NTSR1: variants seen among roughly 807,000 people sequenced by gnomAD.
The protein encoded by NTSR1 is neurotensin receptor 1.
Under a neutral mutation model 31.2 loss-of-function variants are expected in NTSR1, and 29 were observed. That is an observed-to-expected ratio of 0.93 (90% CI 0.69 to 1.27). NTSR1 has a LOEUF of 1.27. NTSR1 is among the 50% of genes most tolerant of loss of function. The pLI, the probability that NTSR1 is intolerant of heterozygous loss-of-function variation, is 0.00. For missense variants in NTSR1, 697 were observed against 595.4 expected, an observed-to-expected ratio of 1.17 and a Z score of -1.78; for synonymous variants, 282 against 269.9, an observed-to-expected ratio of 1.04 and a Z score of -0.44.
chr20:62,717,752 A>G (rs1251580982), intron 1 of NTSR1, among the ~76,000 whole-genome samples: 3 of 152,132 alleles, frequency 2.0e-5, no homozygotes, highest in African/African-American at 4.8e-5. Flanking sequence ...TCATTCACTC[A>G]TCATTCATTC....
Position 62,743,490 on chromosome 20 carries a change from G to A in NTSR1, c.715-11195G>A, listed in dbSNP as rs960193793. ...TTAGAAAAGACCGTCCGTGAGCCTG[G>A]GCCCTGCTGGGGCTGGTCATCTGCT... is the stretch of plus-strand genomic sequence containing the variant. On this transcript the variant is annotated intron_variant, in intron 1 of 3. Coordinates refer to ENST00000370501, the MANE Select transcript of NTSR1 (RefSeq NM_002531.3). The surrounding 1 kb of genome is among the most constrained non-coding windows in gnomAD (Gnocchi z 7.5). 6.6e-6 allele frequency among the ~76,000 whole-genome samples: 1 copy of A among 152,066 alleles called. No individual in the cohort carries two copies. The highest frequency in any genetic ancestry group is 1.9e-4 in the East Asian group (1 of 5,166).
In NTSR1 at chr20:62,709,921, G is replaced by T; in HGVS notation, c.714G>T (p.Gln238His). 1 of 1,581,834 alleles carries T rather than the reference G, an allele frequency of 6.3e-7. No individual in the cohort carries two copies. Among genetic ancestry groups the T allele is most frequent in the Non-Finnish European group, 8.6e-7 (1 of 1,160,624 alleles). Reference protein sequence around the residue: ...IHTATVKVVIQVNTFMSFIFP... With the variant: ...IHTATVKVVIHVNTFMSFIFP... ...CTGCCACCGTCAAGGTCGTCATACA[G>T]GTGAGCCTCAGTAACCAGCCCCGGG... The change falls in exon 1 of 4, where the codon CAG (glutamine) becomes CAT (histidine). Residue 238 changes from glutamine (Q) to histidine (H), a missense_variant and splice_region_variant. Transcript: ENST00000370501.
intron 1 of NTSR1, among the ~76,000 whole-genome samples, chr20:62,746,153 A>T (rs1346958044): frequency 6.6e-6 from 1 of 152,078 alleles, no homozygotes; most frequent in East Asian, 1.9e-4. Context: ...GCGGGTCACC[A>T]CCAGGCCCCC....
chr20:62,741,960 G>A lies in NTSR1; in HGVS notation c.715-12725G>A, dbSNP rs1600729931. 3.3e-5 allele frequency among the ~76,000 whole-genome samples: 5 copies of A among 149,584 alleles called. 1 individual carries two copies. Among genetic ancestry groups the A allele is most frequent in the African/African-American group, 1.2e-4 (5 of 40,112 alleles). On this transcript the variant is annotated intron_variant, in intron 1 of 3. Transcript: ENST00000370501. The surrounding 1 kb of genome is among the most constrained non-coding windows in gnomAD (Gnocchi z 4.3). ...CAAAAGGAGCCTGACAGGAGCCTCT[G>A]CCTCACAGATGAGACCTGTGTGCCT...
intron 3 of NTSR1, among the ~76,000 whole-genome samples, chr20:62,759,179 T>C (rs1316348920): frequency 6.6e-6 from 1 of 152,040 alleles, no homozygotes; most frequent in Non-Finnish European, 1.5e-5. Flanking sequence ...CTACGACCAA[T>C]GAGGAGGAGA....
At chr20:62,725,096 C>G (rs1203839960) in intron 1 of NTSR1, among the ~76,000 whole-genome samples, 1 of 152,254 alleles carries the variant, frequency 6.6e-6, no homozygotes, top group Non-Finnish European at 1.5e-5. Flanking sequence ...CACCAGGCCT[C>G]CTCTCCCGGC....
Position 62,743,701 on chromosome 20 carries a change from G to A in NTSR1, c.715-10984G>A, listed in dbSNP as rs561552429. 1.4e-4 allele frequency among the ~76,000 whole-genome samples: 21 copies of A among 152,344 alleles called. 1 individual carries two copies. The highest frequency in any genetic ancestry group is 4.6e-4 in the African/African-American group (19 of 41,578). On this transcript the variant is annotated intron_variant, in intron 1 of 3. Transcript: ENST00000370501. The surrounding 1 kb of genome is among the most constrained non-coding windows in gnomAD (Gnocchi z 7.5). Reference sequence around the variant, plus strand: ...CCACTCAGCACAGGCTGGCTGCGGAGCCGGGAAGCAGTGTGCCAGTCTGGG... The same window carrying A: ...CCACTCAGCACAGGCTGGCTGCGGAACCGGGAAGCAGTGTGCCAGTCTGGG...
In NTSR1 at chr20:62,711,570, A is replaced by ATCCCCCCACTCAGACCCCCGT. The variant is rs1988615022; in HGVS notation, c.714+1656_714+1657insACTCAGACCCCCGTTCCCCCC. Among the ~76,000 whole-genome samples, 1 of 68,596 alleles carries ATCCCCCCACTCAGACCCCCGT rather than the reference A, an allele frequency of 1.5e-5. No individual in the cohort carries two copies. Among genetic ancestry groups the ATCCCCCCACTCAGACCCCCGT allele is most frequent in the African/African-American group, 6.2e-5 (1 of 16,080 alleles). The allele number at this position is 68,596 out of a possible 152,430, so 45.0% of individuals were successfully genotyped here. ...CCGGATCCCCCCACTCAGACCCCCG[A>ATCCCCCCACTCAGACCCCCGT]TCCCCCCGCTCAGATCCCCGATCCC... On this transcript the variant is annotated intron_variant, in intron 1 of 3. Coordinates refer to ENST00000370501, the MANE Select transcript of NTSR1 (RefSeq NM_002531.3). The surrounding 1 kb of genome is among the most constrained non-coding windows in gnomAD (Gnocchi z 6.4).
In NTSR1 at chr20:62,733,641, T is replaced by TAAAG. The variant is rs11474025; in HGVS notation, c.715-21043_715-21042insAAGA. Among the ~76,000 whole-genome samples the TAAAG allele has an allele frequency of 0.43, 63,557 of 147,658 alleles. 14,494 individuals carry two copies. Among genetic ancestry groups the TAAAG allele is most frequent in the African/African-American group, 0.59 (23,708 of 40,382 alleles). On this transcript the variant is annotated intron_variant, in intron 1 of 3. Coordinates refer to ENST00000370501, the MANE Select transcript of NTSR1 (RefSeq NM_002531.3). This position sits in a 1 kb window ranked among gnomAD's most constrained non-coding sequence, Gnocchi z 5.2. The stretch of plus-strand genomic sequence containing the variant: ...ACACACATGGAGAAAAAGAGGGAGA[T>TAAAG]AGAGAAGAGAGAGGGAGAGAGAAAA...
chr20:62,733,729 GAGA>G lies in NTSR1; in HGVS notation c.715-20953_715-20951del, dbSNP rs1989039425. On this transcript the variant is annotated intron_variant, in intron 1 of 3. Coordinates refer to ENST00000370501, the MANE Select transcript of NTSR1 (RefSeq NM_002531.3). The surrounding 1 kb of genome is among the most constrained non-coding windows in gnomAD (Gnocchi z 5.2). The stretch of plus-strand genomic sequence containing the variant: ...AGAGGGAGAAACACAAAGAGAGGGA[GAGA>G]AGGAGAGAGAGACACAGAGAGAAAG... Among the ~76,000 whole-genome samples the G allele has an allele frequency of 6.6e-6, 1 of 151,832 alleles. No individual in the cohort carries two copies. The highest frequency in any genetic ancestry group is 1.5e-5 in the Non-Finnish European group (1 of 67,936).
chr20:62,709,719 G>A lies in NTSR1; in HGVS notation c.512G>A (p.Cys171Tyr). The A allele has an allele frequency of 1.2e-6, 2 of 1,612,890 alleles. No homozygotes were observed. Among genetic ancestry groups the A allele is most frequent in the Non-Finnish European group, 1.7e-6 (2 of 1,179,904 alleles). ...AGTGTGGAGCGCTACCTGGCCATCT[G>A]CCACCCCTTCAAGGCCAAGACCCTC... ...SLSVERYLAI[C>Y]HPFKAKTLMS... Residue 171 changes from cysteine (C) to tyrosine (Y), a missense_variant, in exon 1 of 4, where the codon TGC becomes TAC. Transcript: ENST00000370501.
intron 1 of NTSR1, among the ~76,000 whole-genome samples, chr20:62,710,855 T>C (rs986937440): frequency 3.9e-5 from 6 of 152,050 alleles, no homozygotes; most frequent in African/African-American, 1.2e-4. Flanking sequence ...GCCTTAGAAG[T>C]GTGGGGTTTC....
At chr20:62,747,551 C>T (rs1194286127) in intron 1 of NTSR1, among the ~76,000 whole-genome samples, 1 of 151,616 alleles carries the variant, frequency 6.6e-6, no homozygotes, top group Non-Finnish European at 1.5e-5. Context: ...ACAGCTAACA[C>T]CACACTCAGT....
intron 1 of NTSR1, among the ~76,000 whole-genome samples, chr20:62,740,784 G>A (rs757847505): frequency 3.3e-5 from 5 of 152,180 alleles, no homozygotes; most frequent in African/African-American, 7.2e-5. Context: ...AAGCCCTGTC[G>A]TGCTTCCCAG....
intron 1 of NTSR1, among the ~76,000 whole-genome samples, chr20:62,725,232 C>G (rs189320735): frequency 1.8e-3 from 275 of 152,346 alleles, no homozygotes; most frequent in Non-Finnish European, 3.2e-3. Context: ...CAGCCCCCAG[C>G]CCCAGCTCAA....
rs1334293702 is a variant in NTSR1, at chr20:62,732,957, C to G, written c.715-21728C>G. The G allele has an allele frequency of 6.6e-6, 1 of 151,712 alleles. No individual in the cohort carries two copies. The highest frequency in any genetic ancestry group is 1.5e-5 in the Non-Finnish European group (1 of 67,982). The allele number at this position is 151,712 out of a possible 1,614,324, so 9.4% of individuals were successfully genotyped here. ...TCAGGCTGAGAACCAACGGCGCTGACGTCGCCTAAAGGGGGTTCCCAGCTG... is the reference window on the plus strand; with the variant it reads ...TCAGGCTGAGAACCAACGGCGCTGAGGTCGCCTAAAGGGGGTTCCCAGCTG... On this transcript the variant is annotated intron_variant, in intron 1 of 3. Transcript: ENST00000370501. The surrounding 1 kb of genome is among the most constrained non-coding windows in gnomAD (Gnocchi z 4.0).
chr20:62,721,143 G>A (rs1401708164), intron 1 of NTSR1, among the ~76,000 whole-genome samples: 1 of 152,158 alleles, frequency 6.6e-6, no homozygotes, highest in Non-Finnish European at 1.5e-5. Context: ...CAATTTGTTG[G>A]ATAGTGTTAT....
intron 2 of NTSR1, among the ~76,000 whole-genome samples, chr20:62,755,885 CTCCATCCCTCATTCCATCCA>C (rs1989504021): frequency 7.9e-6 from 1 of 125,850 alleles, no homozygotes; most frequent in Non-Finnish European, 1.7e-5. Flanking sequence ...CCCTCCCTCC[CTCCATCCCTCATTCCATCCA>C]TCCATCCCTC....
At chr20:62,727,931 G>T (rs1391801452) in intron 1 of NTSR1, among the ~76,000 whole-genome samples, 2 of 152,252 alleles carry the variant, frequency 1.3e-5, no homozygotes, top group Non-Finnish European at 2.9e-5. Flanking sequence ...AGCACCTGGG[G>T]CCTGCACTCA....
Sources: gnomAD v4.1 joint callset for allele counts (sites outside exome capture counted in the v4.1 genomes callset) on GRCh38, gnomAD v4.1.1 for gene constraint, Gnocchi (gnomAD v3.1) non-coding constraint, MANE v1.5 for transcripts, NCBI Gene and HGNC (gene_info 2026-07-23, HGNC 2026-07-21) for gene names.